Variants in TJP2 observed in about 807,000 individuals in gnomAD.
TJP2 encodes the protein tight junction protein 2.
Under a neutral mutation model 133.1 loss-of-function variants are expected in TJP2, and 91 were observed. That is an observed-to-expected ratio of 0.68 (90% CI 0.58 to 0.81). The LOEUF is 0.81. Among genes scored for constraint, TJP2 ranks in the 40% least tolerant of loss-of-function variants. The probability of loss-of-function intolerance (pLI) is 0.00; values close to 1 mark genes in which losing one functional copy is unlikely to be tolerated. For missense variants in TJP2, 1,541 were observed against 1,565.6 expected (o/e 0.98, Z 0.26); for synonymous variants, 592 against 583.4 (o/e 1.01, Z -0.21).
chr9:69,237,120 G>A lies in TJP2; in HGVS notation c.2163G>A (p.Arg721=), dbSNP rs1364636542. 2 of 1,614,094 alleles carry A rather than the reference G, an allele frequency of 1.2e-6. No homozygotes were observed. The highest frequency in any genetic ancestry group is 1.7e-6 in the Non-Finnish European group (2 of 1,179,996). Residue 721 remains arginine (R), a synonymous_variant, in exon 14 of 23, where the codon AGG becomes AGA. Transcript: ENST00000377245. ...SVSTKFPAYE[R]VLLREAGFKR... ...GCACCAAGTTCCCAGCTTATGAGAG[G>A]GTTTTGCTGCGAGAAGGTGAGGAAG...
At chr9:69,187,369 G>A (rs3002378) in intron 1 of TJP2, among the ~76,000 whole-genome samples, 70,551 of 151,996 alleles carry the variant, frequency 0.46, 16,626 homozygotes, top group South Asian at 0.53. Flanking sequence ...ACTCCAGACT[G>A]TTACCAGACT....
At chr9:69,200,899 T>C (rs1826938878) in intron 1 of TJP2, among the ~76,000 whole-genome samples, 1 of 152,162 alleles carries the variant, frequency 6.6e-6, no homozygotes, top group Admixed American at 6.5e-5. Flanking sequence ...CACTTATTAC[T>C]ACCTGAGATG....
At chr9:69,232,883 A>C (rs182968669) in intron 11 of TJP2, among the ~76,000 whole-genome samples, 8 of 152,320 alleles carry the variant, frequency 5.3e-5, no homozygotes, top group Admixed American at 4.6e-4. Context: ...GTTTTTGGCT[A>C]TCGAAGACTG....
chr9:69,145,606 A>G (rs1314690351), intron 1 of TJP2: 1 of 694,688 alleles, frequency 1.4e-6, no homozygotes. Context: ...CTACATAGAG[A>G]ACATCCAAAG....
At chr9:69,150,000 AT>A (rs1187988096) in intron 1 of TJP2, among the ~76,000 whole-genome samples, 1 of 151,948 alleles carries the variant, frequency 6.6e-6, no homozygotes, top group Non-Finnish European at 1.5e-5. Flanking sequence ...AAATACAAAA[AT>A]TAGCCGGCCG....
At position 69,236,991 on chromosome 9, in the gene TJP2, C is replaced by T. The variant is rs373160031; in HGVS notation, c.2034C>T (p.Asn678=). The T allele has an allele frequency of 4.6e-5, 75 of 1,614,060 alleles. No homozygotes were observed. The Middle Eastern group carries it at 6.6e-4, about 14-fold the overall frequency. The part of the protein sequence containing the change: ...MASVQNAQRD[N]AGDRADFWRM... Reference sequence around the variant, plus strand: ...GTGTTCAAAATGCCCAGAGAGACAACGCTGGGGACCGGGCAGATTTCTGGA... The same window carrying T: ...GTGTTCAAAATGCCCAGAGAGACAATGCTGGGGACCGGGCAGATTTCTGGA... The change falls in exon 14 of 23, where the codon AAC becomes AAT. Residue 678 remains asparagine (N), a synonymous_variant. Transcript: ENST00000377245.
chr9:69,206,535 C>T (rs1283481272), intron 1 of TJP2, among the ~76,000 whole-genome samples: 1 of 151,658 alleles, frequency 6.6e-6, no homozygotes, highest in East Asian at 1.9e-4. Flanking sequence ...TTGGTGTTCA[C>T]CCACTCATCT....
intron 2 of TJP2, 59 bp from the exon 3 acceptor site, chr9:69,216,280 A>G (rs1290437708): frequency 5.6e-6 from 9 of 1,608,348 alleles, no homozygotes; most frequent in East Asian, 4.5e-5. Context: ...AGTGCTTGTA[A>G]TAAATCCTGA....
intron 1 of TJP2, among the ~76,000 whole-genome samples, chr9:69,132,573 G>A (rs1822544079): frequency 6.6e-6 from 1 of 152,220 alleles, no homozygotes; most frequent in Non-Finnish European, 1.5e-5. Flanking sequence ...ATAGAGAAGG[G>A]TGGAAAAGAG....
chr9:69,195,426 T>C (rs1826483311), intron 1 of TJP2, among the ~76,000 whole-genome samples: 1 of 152,128 alleles, frequency 6.6e-6, no homozygotes, highest in Non-Finnish European at 1.5e-5. Flanking sequence ...GATTTTTTTT[T>C]TTTTGGTCTC....
chr9:69,230,359 C>T lies in TJP2; in HGVS notation c.1671+127C>T, dbSNP rs966369103. 2.5e-6 allele frequency: 3 copies of T among 1,212,276 alleles called. No homozygotes were observed. The African/African-American group carries it at 4.5e-5, about 18-fold the overall frequency. 75.1% of individuals were successfully genotyped at this position (1,212,276 alleles called of 1,614,324 possible). A position where few individuals can be genotyped will look rare whatever the true frequency, so the allele number is the denominator to read the frequency against. ...TAGAGCAGCTGCAAGTTTGTTGATGCCCAGCATTGAAGTCTCTGTATTCCT... is the reference window on the plus strand; with the variant it reads ...TAGAGCAGCTGCAAGTTTGTTGATGTCCAGCATTGAAGTCTCTGTATTCCT... On this transcript the variant is annotated intron_variant, in intron 11 of 22. Coordinates refer to ENST00000377245, the MANE Select transcript of TJP2 (RefSeq NM_004817.4).
intron 19 of TJP2, chr9:69,248,654 G>GT (rs1831104116): frequency 9.4e-7 from 1 of 1,058,990 alleles, no homozygotes. Context: ...GCTCTTGAGT[G>GT]TTTCCCCATC....
chr9:69,240,054 A>G lies in TJP2; in HGVS notation c.2473A>G (p.Arg825Gly). 1 of 1,614,148 alleles carries G rather than the reference A, an allele frequency of 6.2e-7. No homozygotes were observed. Among genetic ancestry groups the G allele is most frequent in the South Asian group, 1.1e-5 (1 of 91,082 alleles). ...PDSRQGVKTM[R>G]QRLNPTSNKS... ...CTCCAGACAAGGTGTCAAAACCATG[A>G]GACAAAGGTTAAATCCAACGTCCAA... Residue 825 changes from arginine to glycine, a missense_variant, in exon 17 of 23, where the codon AGA becomes GGA. Coordinates refer to ENST00000377245, the MANE Select transcript of TJP2 (RefSeq NM_004817.4).
Position 69,251,210 on chromosome 9 carries a change from T to C in TJP2, c.3167T>C (p.Ile1056Thr). ...GRSILKPSTP[I>T]PPQEGEEVGE... ...TCTATACTGAAGCCCTCCACTCCCA[T>C]CCCTCCTCAAGAGGGTGAGGAGGTG... Residue 1056 changes from isoleucine (I) to threonine (T), a missense_variant, in exon 21 of 23, where the codon ATC becomes ACC. Transcript: ENST00000377245. 6.2e-7 allele frequency: 1 copy of C among 1,613,906 alleles called. No homozygotes were observed. Among genetic ancestry groups the C allele is most frequent in the Non-Finnish European group, 8.5e-7 (1 of 1,179,992 alleles).
intron 2 of TJP2, among the ~76,000 whole-genome samples, chr9:69,157,709 T>C (rs1823844700): frequency 6.6e-6 from 1 of 152,160 alleles, no homozygotes; most frequent in Admixed American, 6.5e-5. Context: ...TCCATCTGCC[T>C]TGACCTCCCA....
intron 1 of TJP2, among the ~76,000 whole-genome samples, chr9:69,134,360 C>G (rs1207014612): frequency 6.6e-6 from 1 of 152,180 alleles, no homozygotes; most frequent in Non-Finnish European, 1.5e-5. Flanking sequence ...AGCAGTGACA[C>G]AAGTCCCACA....
chr9:69,165,719 T>C (rs1824315168), intron 2 of TJP2, among the ~76,000 whole-genome samples: 1 of 152,082 alleles, frequency 6.6e-6, no homozygotes, highest in Non-Finnish European at 1.5e-5. Flanking sequence ...AGCAGTAAAA[T>C]AGTAAAAGCT....
chr9:69,243,921 G>A lies in TJP2; in HGVS notation c.2567-2769G>A, dbSNP rs550512726. On this transcript the variant is annotated intron_variant, in intron 17 of 22. Transcript: ENST00000377245. ...AGTTCAGCTGGGCATGGTGGCTCAC[G>A]CCTGTAAATCCCAGCACATTGGGAG... 5.9e-5 allele frequency among the ~76,000 whole-genome samples: 5 copies of A among 85,078 alleles called. No homozygotes were observed. The South Asian group carries it at 1.6e-3, about 28-fold the overall frequency. The allele number at this position is 85,078 out of a possible 152,430, so 55.8% of individuals were successfully genotyped here.
chr9:69,216,286 C>G, intron 2 of TJP2, 53 bp from the exon 3 acceptor site: 2 of 1,610,590 alleles, frequency 1.2e-6, no homozygotes, highest in Non-Finnish European at 1.7e-6. Context: ...TGTAATAAAT[C>G]CTGAAAGCCA....
Sources: gnomAD v4.1 joint callset for allele counts (sites outside exome capture counted in the v4.1 genomes callset) on GRCh38, gnomAD v4.1.1 for gene constraint, MANE v1.5 for transcripts, NCBI Gene and HGNC (gene_info 2026-07-23, HGNC 2026-07-21) for gene names.